Variants in TMEM200A observed in about 807,000 individuals in gnomAD.
TMEM200A encodes two transmembrane C.
A neutral mutation model predicts 24.3 loss-of-function variants in TMEM200A; 12 were observed. The observed-to-expected ratio is 0.49, with a 90% CI of 0.32 to 0.80. The LOEUF (loss-of-function observed/expected upper bound fraction) is 0.80. Ranked by LOEUF, TMEM200A falls within the 30% of genes least tolerant of loss-of-function variation. TMEM200A has a pLI of 0.04. For synonymous variants in TMEM200A, 224 were observed against 224.4 expected, an observed-to-expected ratio of 1.00 and a Z score of 0.02; for missense variants, 545 against 614.4, an observed-to-expected ratio of 0.89 and a Z score of 1.19.
At chr6:130,423,069 G>A (rs967618363) in intron 2 of TMEM200A, among the ~76,000 whole-genome samples, 3 of 152,176 alleles carry the variant, frequency 2.0e-5, no homozygotes, top group Admixed American at 6.5e-5. Context: ...AGAAATGAAA[G>A]GCTGTATTTT....
intron 2 of TMEM200A, among the ~76,000 whole-genome samples, chr6:130,428,616 G>T (rs1779802589): frequency 6.6e-6 from 1 of 152,268 alleles, no homozygotes; most frequent in African/African-American, 2.4e-5. Flanking sequence ...GAAACAATAG[G>T]TGTGCCCATT....
intron 1 of TMEM200A, among the ~76,000 whole-genome samples, chr6:130,369,346 G>C (rs1778259544): frequency 6.6e-6 from 1 of 152,196 alleles, no homozygotes; most frequent in South Asian, 2.1e-4. Context: ...GATTTGTAGA[G>C]ATAGGAGAAG....
intron 2 of TMEM200A, among the ~76,000 whole-genome samples, chr6:130,434,566 G>A (rs17058997): frequency 0.11 from 16,473 of 152,196 alleles, 1,083 homozygotes; most frequent in Admixed American, 0.16. Context: ...ATGGATTAGT[G>A]CCATAAGAAG....
At chr6:130,386,232 A>G (rs457066) in intron 2 of TMEM200A, among the ~76,000 whole-genome samples, 1 of 152,186 alleles carries the variant, frequency 6.6e-6, no homozygotes, top group African/African-American at 2.4e-5. Context: ...AACCTCATTC[A>G]CTGAAGCTCA....
intron 1 of TMEM200A, among the ~76,000 whole-genome samples, chr6:130,378,196 C>T (rs867538939): frequency 1.7e-4 from 26 of 152,162 alleles, no homozygotes; most frequent in Middle Eastern, 6.8e-3. Flanking sequence ...GGAGGCTAAC[C>T]TTTATCAATA....
chr6:130,383,876 G>A (rs1236064658), intron 1 of TMEM200A, among the ~76,000 whole-genome samples: 2 of 152,168 alleles, frequency 1.3e-5, no homozygotes, highest in Non-Finnish European at 1.5e-5. Flanking sequence ...CCAGCACTTT[G>A]GGAGGCTGAG....
At chr6:130,391,238 G>A (rs1203393421) in intron 2 of TMEM200A, among the ~76,000 whole-genome samples, 2 of 152,182 alleles carry the variant, frequency 1.3e-5, no homozygotes, top group Non-Finnish European at 2.9e-5. Context: ...ACTTAAAGAA[G>A]TTATCAGTTA....
At chr6:130,425,323 A>G (rs1779704558) in intron 2 of TMEM200A, among the ~76,000 whole-genome samples, 1 of 152,208 alleles carries the variant, frequency 6.6e-6, no homozygotes, top group South Asian at 2.1e-4. Flanking sequence ...AGCAGAGCTA[A>G]ATAAAGTTGA....
chr6:130,382,019 T>G, intron 1 of TMEM200A: 5 of 935,738 alleles, frequency 5.3e-6, no homozygotes, highest in Non-Finnish European at 6.4e-6. Flanking sequence ...ATTGTGAACC[T>G]TTTATGATCT....
chr6:130,414,431 C>CAAAAAA (rs11317905), intron 2 of TMEM200A, among the ~76,000 whole-genome samples: 1 of 57,900 alleles, frequency 1.7e-5, no homozygotes, highest in African/African-American at 4.7e-5. Flanking sequence ...GACTCCATCT[C>CAAAAAA]AAAAAAAAAA....
In TMEM200A at chr6:130,433,942, C is replaced by T. The variant is rs1347817034; in HGVS notation, c.-16-6465C>T. ...TTATGTGCCAAGCCTTCGTTAACTG[C>T]CACCACTTCTTGGAAGCCTGTCCTG... is the stretch of plus-strand genomic sequence containing the variant. On this transcript the variant is annotated intron_variant, in intron 2 of 2. Coordinates refer to ENST00000296978, the MANE Select transcript of TMEM200A (RefSeq NM_001258277.2). Among the ~76,000 whole-genome samples, 3 of 152,180 alleles carry T rather than the reference C, an allele frequency of 2.0e-5. No individual in the cohort carries two copies. In the East Asian group the frequency reaches 5.8e-4, roughly 29 times the overall value.
At chr6:130,376,664 C>CT (rs770892987) in intron 1 of TMEM200A, among the ~76,000 whole-genome samples, 5 of 151,868 alleles carry the variant, frequency 3.3e-5, no homozygotes, top group Non-Finnish European at 7.4e-5. Context: ...TCCTTATACT[C>CT]TAAGTATTAA....
chr6:130,423,874 T>A (rs1337748264), intron 2 of TMEM200A, among the ~76,000 whole-genome samples: 1 of 152,162 alleles, frequency 6.6e-6, no homozygotes, highest in African/African-American at 2.4e-5. Flanking sequence ...TGTTTTGAGC[T>A]ATTTGAATAC....
rs1359588472 is a variant in TMEM200A at position 130,442,715 on chromosome 6, T to C, written c.*817T>C. 6.0e-6 allele frequency: 1 copy of C among 166,990 alleles called. No individual in the cohort carries two copies. Among genetic ancestry groups the C allele is most frequent in the Non-Finnish European group, 1.5e-5 (1 of 68,098 alleles). The allele number at this position is 166,990 out of a possible 1,614,324, so 10.3% of individuals were successfully genotyped here. A position where few individuals can be genotyped will look rare whatever the true frequency, so the allele number is the denominator to read the frequency against. On this transcript the variant is annotated 3_prime_UTR_variant, in exon 3 of 3. Coordinates refer to ENST00000296978, the MANE Select transcript of TMEM200A (RefSeq NM_001258277.2). ...ATGAAGACAATGTTGACTAATGAAT[T>C]AAGATACATTATATACTAGTTAATG...
chr6:130,393,314 A>C (rs1295958008), intron 2 of TMEM200A, among the ~76,000 whole-genome samples: 1 of 152,244 alleles, frequency 6.6e-6, no homozygotes, highest in Non-Finnish European at 1.5e-5. Context: ...AGGGAGAAAT[A>C]CCAGAAGAGA....
chr6:130,414,185 AC>A (rs1283478022), intron 2 of TMEM200A, among the ~76,000 whole-genome samples: 3 of 151,982 alleles, frequency 2.0e-5, no homozygotes, highest in Non-Finnish European at 2.9e-5. Flanking sequence ...TAATCCCAGC[AC>A]TTTAGGAGCC....
In TMEM200A at chr6:130,422,644, T is replaced by A. The variant is rs143726671; in HGVS notation, c.-16-17763T>A. 5.3e-5 allele frequency among the ~76,000 whole-genome samples: 8 copies of A among 152,280 alleles called. No individual in the cohort carries two copies. The East Asian group carries it at 1.5e-3, about 29-fold the overall frequency. On this transcript the variant is annotated intron_variant, in intron 2 of 2. Transcript: ENST00000296978. ...TCTCCTTGGGATATCATAATACTCG[T>A]GTCTTTTATGTGTCTTCCTGAATGT...
intron 2 of TMEM200A, among the ~76,000 whole-genome samples, chr6:130,401,535 T>G (rs554918791): frequency 6.6e-6 from 1 of 151,884 alleles, no homozygotes; most frequent in Admixed American, 6.6e-5. Context: ...TGTCTTTTCT[T>G]TTGTCTTTTT....
At chr6:130,426,502 CT>C (rs1779747880) in intron 2 of TMEM200A, among the ~76,000 whole-genome samples, 1 of 142,496 alleles carries the variant, frequency 7.0e-6, no homozygotes, top group Non-Finnish European at 1.5e-5. Flanking sequence ...GGCTGAAGAT[CT>C]CTGTCCAGCC....
Sources: gnomAD v4.1 joint callset for allele counts (sites outside exome capture counted in the v4.1 genomes callset) on GRCh38, gnomAD v4.1.1 for gene constraint, MANE v1.5 for transcripts, NCBI Gene and HGNC (gene_info 2026-07-23, HGNC 2026-07-21) for gene names.